The following GRM7 variants were observed in gnomAD, a reference collection of about 807,000 sequenced individuals.
GRM7 encodes the protein glutamate metabotropic receptor 7.
GRM7 carries 35 observed loss-of-function variants against 84.5 expected under a neutral mutation model. The observed-to-expected ratio is 0.41, with a 90% CI of 0.32 to 0.55. The LOEUF (loss-of-function observed/expected upper bound fraction) is 0.55. GRM7 is among the 20% of genes least tolerant of loss of function. The probability of loss-of-function intolerance (pLI) is 0.19; values close to 1 mark genes in which losing one functional copy is unlikely to be tolerated. For synonymous variants in GRM7, 487 were observed against 455.1 expected (o/e 1.07, Z -0.89); for missense variants, 1,003 against 1,194.6 (o/e 0.84, Z 2.36).
intron 7 of GRM7, among the ~76,000 whole-genome samples, chr3:7,502,593 T>C (rs553493216): frequency 1.3e-5 from 2 of 152,320 alleles, no homozygotes; most frequent in African/African-American, 4.8e-5. Context: ...TATGTGTGTG[T>C]GTGCACACAC....
intron 4 of GRM7, among the ~76,000 whole-genome samples, chr3:7,346,042 G>C (rs1171546811): frequency 6.6e-6 from 1 of 152,024 alleles, no homozygotes; most frequent in Admixed American, 6.6e-5. Flanking sequence ...CAAATTAAGA[G>C]TTAGTCTCTA....
intron 9 of GRM7, among the ~76,000 whole-genome samples, chr3:7,686,044 G>A (rs1700571745): frequency 6.6e-6 from 1 of 152,098 alleles, no homozygotes; most frequent in Non-Finnish European, 1.5e-5. Flanking sequence ...GAGAAAAAAG[G>A]GCTGGCAAGA....
At chr3:7,645,331 A>G (rs188047372) in intron 8 of GRM7, among the ~76,000 whole-genome samples, 2,211 of 151,890 alleles carry the variant, frequency 0.015, 58 homozygotes, top group African/African-American at 0.05. Context: ...GGCAGACCAC[A>G]AGGTCAGGAG....
At chr3:7,260,438 G>A (rs538495824) in intron 2 of GRM7, among the ~76,000 whole-genome samples, 5 of 152,242 alleles carry the variant, frequency 3.3e-5, no homozygotes, top group Admixed American at 6.5e-5. Context: ...TTGGGAGGAT[G>A]TAGGTGTCCA....
chr3:7,276,207 A>ATGTGTGTG (rs923161861), intron 2 of GRM7, among the ~76,000 whole-genome samples: 1 of 96,658 alleles, frequency 1.0e-5, no homozygotes, highest in Non-Finnish European at 2.1e-5. Context: ...ATATATATAT[A>ATGTGTGTG]TGTGTGTGTG....
intron 2 of GRM7, among the ~76,000 whole-genome samples, chr3:7,226,664 A>G (rs538904131): frequency 3.9e-5 from 6 of 152,320 alleles, no homozygotes; most frequent in South Asian, 2.1e-4. Flanking sequence ...TGTGTCCACC[A>G]TAGAAGATAA....
At chr3:7,275,212 C>G (rs1436495389) in intron 2 of GRM7, among the ~76,000 whole-genome samples, 1 of 152,160 alleles carries the variant, frequency 6.6e-6, no homozygotes, top group Non-Finnish European at 1.5e-5. Context: ...TCCATTAGCA[C>G]CTTCAGTTAA....
At chr3:7,666,493 C>T (rs1421594293) in intron 8 of GRM7, among the ~76,000 whole-genome samples, 1 of 152,126 alleles carries the variant, frequency 6.6e-6, no homozygotes, top group Non-Finnish European at 1.5e-5. Context: ...TTGCTCCGTG[C>T]AGAATTATTT....
intron 8 of GRM7, among the ~76,000 whole-genome samples, chr3:7,590,174 C>T (rs1695711767): frequency 1.3e-5 from 2 of 152,300 alleles, no homozygotes; most frequent in Admixed American, 1.3e-4. Context: ...TGACCCCCAA[C>T]CAGTGAGGAT....
At chr3:7,481,345 G>A (rs578069711) in intron 7 of GRM7, among the ~76,000 whole-genome samples, 8 of 152,066 alleles carry the variant, frequency 5.3e-5, no homozygotes, top group South Asian at 2.1e-4. Flanking sequence ...CTCCCGCCTC[G>A]GCCTCCCAAA....
At chr3:6,934,874 T>C (rs768482953) in intron 1 of GRM7, among the ~76,000 whole-genome samples, 20 of 152,154 alleles carry the variant, frequency 1.3e-4, no homozygotes, top group Non-Finnish European at 2.1e-4. Context: ...AAAAGAATAT[T>C]GGAAGATGAC....
At chr3:7,699,787 G>T (rs73123722) in intron 9 of GRM7, among the ~76,000 whole-genome samples, 3,745 of 152,090 alleles carry the variant, frequency 0.025, 147 homozygotes, top group African/African-American at 0.082. Context: ...GAAGATACAA[G>T]TTTTTCTTTA....
intron 1 of GRM7, among the ~76,000 whole-genome samples, chr3:7,066,960 C>T (rs948317869): frequency 6.6e-6 from 1 of 151,898 alleles, no homozygotes; most frequent in African/African-American, 2.4e-5. Flanking sequence ...AAGCATTTGA[C>T]AGAATCTAGC....
chr3:7,239,776 A>T (rs914163667), intron 2 of GRM7, among the ~76,000 whole-genome samples: 20 of 152,176 alleles, frequency 1.3e-4, no homozygotes, highest in African/African-American at 3.4e-4. Flanking sequence ...AGAAGCTTTA[A>T]GAGTTAAGGC....
At chr3:7,300,791 T>C (rs1035967883) in intron 3 of GRM7, among the ~76,000 whole-genome samples, 5 of 150,124 alleles carry the variant, frequency 3.3e-5, no homozygotes, top group African/African-American at 1.2e-4. Context: ...TCATTGTTTA[T>C]GTGAATGGTG....
intron 8 of GRM7, among the ~76,000 whole-genome samples, chr3:7,653,921 C>T (rs1014718283): frequency 1.3e-5 from 2 of 152,150 alleles, no homozygotes; most frequent in South Asian, 2.1e-4. Flanking sequence ...GGTTCTAAGA[C>T]CAGTGCTGCT....
chr3:7,032,591 G>A (rs1199881347), intron 1 of GRM7, among the ~76,000 whole-genome samples: 1 of 151,988 alleles, frequency 6.6e-6, no homozygotes, highest in Admixed American at 6.6e-5. Context: ...TTCCCAGGGC[G>A]TTTTTTTCAG....
intron 2 of GRM7, among the ~76,000 whole-genome samples, chr3:7,274,376 G>GTT (rs1698976053): frequency 1.3e-5 from 2 of 151,888 alleles, no homozygotes; most frequent in Non-Finnish European, 2.9e-5. Flanking sequence ...GTAGATATGA[G>GTT]TTTCTGACCT....
At chr3:6,974,978 G>C (rs559513828) in intron 1 of GRM7, among the ~76,000 whole-genome samples, 43 of 152,214 alleles carry the variant, frequency 2.8e-4, no homozygotes, top group African/African-American at 1.0e-3. Flanking sequence ...ATCCAGTAGA[G>C]GCAGATATCA....
Sources: gnomAD v4.1 joint callset for allele counts (sites outside exome capture counted in the v4.1 genomes callset) on GRCh38, gnomAD v4.1.1 for gene constraint, MANE v1.5 for transcripts, NCBI Gene and HGNC (gene_info 2026-07-23, HGNC 2026-07-21) for gene names.